FLNB: variants seen among roughly 807,000 people sequenced by gnomAD.
FLNB encodes the protein filamin B.
In FLNB, 111 loss-of-function variants were observed where a neutral mutation model predicts 250.6. The ratio of observed to expected loss-of-function variants is 0.44; its 90% CI spans 0.38 to 0.52. The LOEUF (loss-of-function observed/expected upper bound fraction) is 0.52, where lower values mean the gene tolerates loss of function less well. Among genes scored for constraint, FLNB ranks in the 20% least tolerant of loss-of-function variants. The probability of loss-of-function intolerance (pLI) is 0.00; values close to 1 mark genes in which losing one functional copy is unlikely to be tolerated. For missense variants in FLNB, 2,869 were observed against 3,447.8 expected (o/e 0.83, Z 4.20); for synonymous variants, 1,302 against 1,372.1 (o/e 0.95, Z 1.13).
rs781563858 is a variant in FLNB, at chr3:58,163,392, G to A, written c.7198+62G>A. 47 of 1,554,978 alleles carry A rather than the reference G, an allele frequency of 3.0e-5. No homozygotes were observed. The Middle Eastern group carries it at 6.1e-4, about 20-fold the overall frequency. On this transcript the variant is annotated intron_variant, in intron 43 of 45. Transcript: ENST00000295956. ...ACCAGCTCCAGGGACCAAGCCAGAT[G>A]GAAATCCTCAAGCCCCATGAAAGCT...
chr3:58,053,741 C>T (rs760529701), intron 1 of FLNB, among the ~76,000 whole-genome samples: 1 of 152,122 alleles, frequency 6.6e-6, no homozygotes, highest in African/African-American at 2.4e-5. Context: ...GGATTACAGA[C>T]GTGAGCCACT....
At chr3:58,135,687 G>T (rs1473560137) in intron 27 of FLNB, among the ~76,000 whole-genome samples, 3 of 152,272 alleles carry the variant, frequency 2.0e-5, no homozygotes, top group African/African-American at 4.8e-5. Context: ...TGGTGTGTGA[G>T]CAGAAGCCTC....
chr3:58,018,977 A>G (rs2106702863), intron 1 of FLNB, among the ~76,000 whole-genome samples: 1 of 151,630 alleles, frequency 6.6e-6, no homozygotes, highest in Non-Finnish European at 1.5e-5. Flanking sequence ...AAAAAAAAAA[A>G]AAAAAAAATT....
At chr3:58,125,833 T>C (rs969813138) in intron 23 of FLNB, 90 bp downstream of exon 23, 11 of 1,271,980 alleles carry the variant, frequency 8.6e-6, no homozygotes, top group Non-Finnish European at 1.1e-5. Context: ...TTTGATAAGA[T>C]GAATTTTTAT....
In FLNB at chr3:58,169,607, C is replaced by T; in HGVS notation, c.7435C>T (p.Pro2479Ser). 2 of 1,613,994 alleles carry T rather than the reference C, an allele frequency of 1.2e-6. No homozygotes were observed. Among genetic ancestry groups the T allele is most frequent in the Non-Finnish European group, 1.7e-6 (2 of 1,179,838 alleles). Residue 2479 changes from proline to serine, a missense_variant, in exon 45 of 46, where the codon CCT becomes TCT. Coordinates refer to ENST00000295956, the MANE Select transcript of FLNB (RefSeq NM_001457.4). The surrounding 1 kb of genome is among the most constrained non-coding windows in gnomAD (Gnocchi z 4.8). ...AKVTGQRLVS[P>S]GSANETSSIL... ...TATCTTAGGCCAGCGTCTAGTTAGC[C>T]CTGGCTCAGCCAACGAGACCTCATC...
intron 1 of FLNB, among the ~76,000 whole-genome samples, chr3:58,053,742 G>A (rs964496489): frequency 3.3e-5 from 5 of 152,112 alleles, no homozygotes; most frequent in East Asian, 1.9e-4. Flanking sequence ...GATTACAGAC[G>A]TGAGCCACTG....
At chr3:58,034,967 A>G (rs1207692930) in intron 1 of FLNB, among the ~76,000 whole-genome samples, 1 of 152,172 alleles carries the variant, frequency 6.6e-6, no homozygotes, top group East Asian at 1.9e-4. Context: ...CACCACTGGC[A>G]AGGGTGTTTG....
intron 3 of FLNB, among the ~76,000 whole-genome samples, chr3:58,079,058 C>A (rs141550423): frequency 6.6e-6 from 1 of 152,298 alleles, no homozygotes; most frequent in Non-Finnish European, 1.5e-5. Context: ...TGTCACTCTT[C>A]TTTGTCACAC....
At chr3:58,089,089 AC>A (rs1306138064) in intron 4 of FLNB, among the ~76,000 whole-genome samples, 1 of 151,618 alleles carries the variant, frequency 6.6e-6, no homozygotes, top group Non-Finnish European at 1.5e-5. Flanking sequence ...ATTACATGAT[AC>A]CCCAAATATC....
At chr3:58,013,698 C>T (rs939247042) in intron 1 of FLNB, among the ~76,000 whole-genome samples, 2 of 152,160 alleles carry the variant, frequency 1.3e-5, no homozygotes, top group African/African-American at 4.8e-5. Context: ...GTGGTGCATG[C>T]CTGTAATCCC....
At chr3:58,083,265 A>G (rs1435177017) in intron 4 of FLNB, among the ~76,000 whole-genome samples, 2 of 142,126 alleles carry the variant, frequency 1.4e-5, no homozygotes, top group African/African-American at 5.2e-5. Context: ...TTTAAATGAC[A>G]CTGACTTTCT....
chr3:58,129,606 C>T (rs902290447), intron 24 of FLNB, among the ~76,000 whole-genome samples: 22 of 152,124 alleles, frequency 1.4e-4, no homozygotes, highest in African/African-American at 4.3e-4. Context: ...ACCTGGATGC[C>T]GTTGAAACCC....
intron 1 of FLNB, among the ~76,000 whole-genome samples, chr3:58,066,216 T>A (rs533836482): frequency 2.7e-4 from 39 of 145,954 alleles, no homozygotes; most frequent in Admixed American, 8.6e-4. Flanking sequence ...TTTCTTTTTT[T>A]CTTTTTTTTT....
intron 28 of FLNB, 146 bp from the exon 29 acceptor site, chr3:58,138,136 G>A: frequency 2.0e-6 from 2 of 1,007,648 alleles, no homozygotes; most frequent in Non-Finnish European, 3.1e-6. Context: ...CACCTGATCA[G>A]GGGATCTTTG....
chr3:58,145,972 C>T lies in FLNB; in HGVS notation c.5477C>T (p.Ala1826Val), dbSNP rs1316979815. 6.2e-7 allele frequency: 1 copy of T among 1,614,206 alleles called. No homozygotes were observed. The highest frequency in any genetic ancestry group is 8.5e-7 in the Non-Finnish European group (1 of 1,180,024). Residue 1826 changes from alanine (A) to valine (V), a missense_variant, in exon 33 of 46, where the codon GCA becomes GTA. Transcript: ENST00000295956. ...VNYPNSGSVS[A>V]YGPGLVYGVA... Reference sequence around the variant, plus strand: ...TACCCCAACAGTGGAAGTGTTTCTGCATACGGTCCAGGCCTCGTGTATGGA... The same window carrying T: ...TACCCCAACAGTGGAAGTGTTTCTGTATACGGTCCAGGCCTCGTGTATGGA...
intron 1 of FLNB, among the ~76,000 whole-genome samples, chr3:58,010,299 C>A (rs896490941): frequency 6.6e-6 from 1 of 152,172 alleles, no homozygotes; most frequent in Non-Finnish European, 1.5e-5. Context: ...CCAGGACTTT[C>A]TCCAGTGGAA....
intron 4 of FLNB, among the ~76,000 whole-genome samples, chr3:58,092,929 T>A (rs2097230629): frequency 6.6e-6 from 1 of 152,196 alleles, no homozygotes; most frequent in Non-Finnish European, 1.5e-5. Context: ...TGTCCTATAA[T>A]CAATTCCCTT....
chr3:58,061,688 G>A (rs550303253), intron 1 of FLNB, among the ~76,000 whole-genome samples: 15 of 151,440 alleles, frequency 9.9e-5, no homozygotes, highest in Non-Finnish European at 1.9e-4. Flanking sequence ...GCAGTGAGCC[G>A]TGATTGCACC....
rs9819870 is a variant in FLNB at position 58,170,300 on chromosome 3, T to C, written c.7622-275T>C. 0.022 allele frequency among the ~76,000 whole-genome samples: 3,361 copies of C among 152,260 alleles called. 105 individuals are homozygous for C. The highest frequency in any genetic ancestry group is 0.074 in the African/African-American group (3,087 of 41,520). ...AACCTCACAACTAGTTCGTGAGGTATGTGCTGTTCTCATTCCCTGTTTACA... is the reference window on the plus strand; with the variant it reads ...AACCTCACAACTAGTTCGTGAGGTACGTGCTGTTCTCATTCCCTGTTTACA... On this transcript the variant is annotated intron_variant, in intron 45 of 45. Coordinates refer to ENST00000295956, the MANE Select transcript of FLNB (RefSeq NM_001457.4).
Sources: gnomAD v4.1 joint callset for allele counts (sites outside exome capture counted in the v4.1 genomes callset) on GRCh38, gnomAD v4.1.1 for gene constraint, Gnocchi (gnomAD v3.1) non-coding constraint, MANE v1.5 for transcripts, NCBI Gene and HGNC (gene_info 2026-07-23, HGNC 2026-07-21) for gene names.